Variants in CYP4F22 observed in about 807,000 individuals in gnomAD.
CYP4F22 encodes cytochrome P450 family 4 subfamily F member 22, also known as ultra-long-chain fatty acid omega-hydroxylase.
Under a neutral mutation model 60.4 loss-of-function variants are expected in CYP4F22, and 37 were observed. That is an observed-to-expected ratio of 0.61 (90% CI 0.47 to 0.81). CYP4F22 has a LOEUF of 0.81. CYP4F22 is among the 30% of genes least tolerant of loss of function. The pLI is 0.00. For missense variants in CYP4F22, 655 were observed against 715.0 expected (o/e 0.92, Z 0.96); for synonymous variants, 258 against 280.5 (o/e 0.92, Z 0.80).
chr19:15,525,270 C>T, intron 2 of CYP4F22, 66 bp from the exon 3 acceptor site: 1 of 1,497,456 alleles, frequency 6.7e-7, no homozygotes, highest in African/African-American at 1.4e-5. Flanking sequence ...CTAGGCACAC[C>T]ATGCATTACC....
In CYP4F22 at chr19:15,551,752, C is replaced by G. The variant is rs1355655757; in HGVS notation, c.*281C>G. ...GAGGGACCAGGGTCGACCCTGCCCCCTTGGGCTCAGGCCCCGCCCCCAGGA... is the reference window on the plus strand; with the variant it reads ...GAGGGACCAGGGTCGACCCTGCCCCGTTGGGCTCAGGCCCCGCCCCCAGGA... On this transcript the variant is annotated 3_prime_UTR_variant, in exon 14 of 14. Transcript: ENST00000269703. 1.9e-6 allele frequency: 1 copy of G among 538,674 alleles called. No homozygotes were observed. The highest frequency in any genetic ancestry group is 3.3e-6 in the Non-Finnish European group (1 of 300,974). The allele number at this position is 538,674 out of a possible 1,614,324, so 33.4% of individuals were successfully genotyped here. A position where few individuals can be genotyped will look rare whatever the true frequency, so the allele number is the denominator to read the frequency against.
At chr19:15,526,457 T>C (rs1971284256) in intron 3 of CYP4F22, among the ~76,000 whole-genome samples, 1 of 152,190 alleles carries the variant, frequency 6.6e-6, no homozygotes, top group Non-Finnish European at 1.5e-5. Flanking sequence ...GCCTGCTGAG[T>C]CCTTTTTAAT....
In CYP4F22 at chr19:15,518,013, G is replaced by A. The variant is rs1403338172; in HGVS notation, c.-108-5680G>A. Among the ~76,000 whole-genome samples the A allele has an allele frequency of 2.0e-5, 3 of 152,258 alleles. No homozygotes were observed. The East Asian group carries it at 5.8e-4, about 29-fold the overall frequency. On this transcript the variant is annotated intron_variant, in intron 1 of 13. Coordinates refer to ENST00000269703, the MANE Select transcript of CYP4F22 (RefSeq NM_173483.4). ...GGGCTAGAGGCATCAACAGGGGTAAGCCATGTAGGTTGTTGTGGTCCATGA... is the reference window on the plus strand; with the variant it reads ...GGGCTAGAGGCATCAACAGGGGTAAACCATGTAGGTTGTTGTGGTCCATGA...
chr19:15,539,825 G>C (rs575321559), intron 7 of CYP4F22, among the ~76,000 whole-genome samples: 3 of 152,142 alleles, frequency 2.0e-5, no homozygotes, highest in African/African-American at 7.2e-5. Context: ...TTTGATTTTA[G>C]TCACCTTAGT....
In CYP4F22 at chr19:15,515,414, A is replaced by G; in HGVS notation, c.-109+6831A>G. On this transcript the variant is annotated intron_variant, in intron 1 of 13. Transcript: ENST00000269703. ...TCTGTACTTTGTTGGTCCAACTCAG[A>G]CAGCAACTTTAAGGTGTTCAGTGCA... The G allele has an allele frequency of 2.5e-6, 3 of 1,212,838 alleles. No individual in the cohort carries two copies. The South Asian group carries it at 3.6e-5, about 15-fold the overall frequency. The allele number at this position is 1,212,838 out of a possible 1,614,324, so 75.1% of individuals were successfully genotyped here.
At chr19:15,547,090 C>A (rs141543986) in intron 10 of CYP4F22, among the ~76,000 whole-genome samples, 153 of 134,122 alleles carry the variant, frequency 1.1e-3, no homozygotes, top group African/African-American at 4.0e-3. Context: ...GTGGTGCAAT[C>A]TCATCTCACT....
At chr19:15,549,070 A>G (rs1012756674) in intron 11 of CYP4F22, 68 bp from the exon 12 acceptor site, 6 of 1,575,646 alleles carry the variant, frequency 3.8e-6, no homozygotes, top group Non-Finnish European at 5.2e-6. Flanking sequence ...GGGAGACCCA[A>G]GTTGGGGGAT....
At chr19:15,551,238 C>A in intron 13 of CYP4F22, 56 bp from the exon 14 acceptor site, 1 of 1,575,124 alleles carries the variant, frequency 6.3e-7, no homozygotes, top group East Asian at 2.4e-5. Context: ...ATGTGACCCC[C>A]GGGGACCAGT....
At chr19:15,547,083 G>A (rs1041311924) in intron 10 of CYP4F22, among the ~76,000 whole-genome samples, 1 of 141,324 alleles carries the variant, frequency 7.1e-6, no homozygotes, top group African/African-American at 2.7e-5. Flanking sequence ...GAGTGTAGTG[G>A]TGCAATCTCA....
intron 10 of CYP4F22, among the ~76,000 whole-genome samples, chr19:15,544,710 C>T (rs866214698): frequency 1.3e-4 from 20 of 152,160 alleles, no homozygotes; most frequent in African/African-American, 4.6e-4. Context: ...AGAGGCTACC[C>T]TGGGTCGTAT....
At chr19:15,529,653 A>G in intron 3 of CYP4F22, 56 bp from the exon 4 acceptor site, 1 of 1,608,548 alleles carries the variant, frequency 6.2e-7, no homozygotes, top group African/African-American at 1.3e-5. Flanking sequence ...GGAGGAAGGC[A>G]GTGGGGGAAG....
At chr19:15,549,420 G>C (rs1025899998) in intron 12 of CYP4F22, among the ~76,000 whole-genome samples, 6 of 152,214 alleles carry the variant, frequency 3.9e-5, no homozygotes, top group African/African-American at 1.4e-4. Context: ...TCTGAAAATA[G>C]AGGATGATAC....
chr19:15,544,413 C>A, intron 10 of CYP4F22, 134 bp downstream of exon 10: 6 of 1,082,488 alleles, frequency 5.5e-6, no homozygotes, highest in South Asian at 1.5e-5. Flanking sequence ...ATTTCTTCAG[C>A]TACAAAATGG....
At chr19:15,515,610 T>C (rs548226183) in intron 1 of CYP4F22, among the ~76,000 whole-genome samples, 1 of 152,016 alleles carries the variant, frequency 6.6e-6, no homozygotes, top group South Asian at 2.1e-4. Context: ...CCGGTAATCT[T>C]AGCTACCCAG....
intron 3 of CYP4F22, among the ~76,000 whole-genome samples, chr19:15,527,168 C>T (rs919306977): frequency 1.3e-5 from 2 of 152,160 alleles, no homozygotes; most frequent in African/African-American, 2.4e-5. Context: ...CCTTGAGTTC[C>T]TACCTCCAGT....
chr19:15,537,077 T>A (rs1184429307), intron 4 of CYP4F22, among the ~76,000 whole-genome samples: 1 of 152,086 alleles, frequency 6.6e-6, no homozygotes, highest in Non-Finnish European at 1.5e-5. Flanking sequence ...GGTGGGTGGA[T>A]CACTTGAGGT....
chr19:15,509,783 C>T (rs113925510), intron 1 of CYP4F22, among the ~76,000 whole-genome samples: 1,679 of 152,132 alleles, frequency 0.011, 41 homozygotes, highest in African/African-American at 0.038. Flanking sequence ...TGGTGTCTGG[C>T]GGTGACCCAG....
chr19:15,524,988 G>T (rs1480426778), intron 2 of CYP4F22, among the ~76,000 whole-genome samples: 1 of 152,138 alleles, frequency 6.6e-6, no homozygotes, highest in Non-Finnish European at 1.5e-5. Flanking sequence ...GAGGGAGCTG[G>T]GGTATTTATC....
chr19:15,526,979 C>T (rs1306811122), intron 3 of CYP4F22, among the ~76,000 whole-genome samples: 9 of 152,098 alleles, frequency 5.9e-5, no homozygotes, highest in African/African-American at 2.2e-4. Flanking sequence ...TCTCAAACCC[C>T]TGACCTCAAG....
Sources: allele counts gnomAD v4.1 joint callset (sites outside exome capture counted in the v4.1 genomes callset), GRCh38; gene constraint gnomAD v4.1.1; transcripts MANE v1.5; gene names NCBI Gene and HGNC (gene_info 2026-07-23, HGNC 2026-07-21).